Variants in OIP5 observed in about 807,000 individuals in gnomAD.
The protein encoded by OIP5 is protein Mis18-beta.
Under a neutral mutation model 20.3 loss-of-function variants are expected in OIP5, and 24 were observed. The ratio of observed to expected loss-of-function variants is 1.18; its 90% confidence interval spans 0.86 to 1.66. The LOEUF is 1.66. Ranked by LOEUF, OIP5 falls within the 40% of genes most tolerant of loss-of-function variation. The pLI is 0.00. For missense variants in OIP5, 339 were observed against 289.5 expected, an observed-to-expected ratio of 1.17 and a Z score of -1.24; for synonymous variants, 143 against 121.3, an observed-to-expected ratio of 1.18 and a Z score of -1.17.
intron 2 of OIP5, among the ~76,000 whole-genome samples, chr15:41,323,962 T>A (rs1316772189): frequency 6.6e-6 from 1 of 150,922 alleles, no homozygotes; most frequent in Middle Eastern, 3.2e-3. Flanking sequence ...TTTCTTTCCT[T>A]AAATCTCATG....
At chr15:41,332,051 A>G (rs2047927669) in intron 1 of OIP5, 70 bp from the exon 2 acceptor site, 3 of 1,479,330 alleles carry the variant, frequency 2.0e-6, no homozygotes, top group Middle Eastern at 1.7e-4. Context: ...TCCTCTAGAC[A>G]GACTCATCCT....
chr15:41,315,493 T>C (rs1474855534), intron 3 of OIP5, among the ~76,000 whole-genome samples: 2 of 152,012 alleles, frequency 1.3e-5, no homozygotes, highest in African/African-American at 4.8e-5. Flanking sequence ...ATACTCTCCA[T>C]ATCCTTTTCC....
rs760131916 is a variant in OIP5 at position 41,332,538 on chromosome 15, A to T, written c.24T>A (p.His8Gln). MAAQPLR[H>Q]RSRCATPPRG... ...GGGGCGGCGTTGCACAACGTGAGCG[A>T]TGCCGCAGCGGCTGAGCCGCCATCT... Residue 8 changes from histidine to glutamine, a missense_variant, in exon 1 of 5, where the codon CAT becomes CAA. By Grantham distance (24) the His-to-Gln change is conservative (BLOSUM62 0). Transcript: ENST00000220514. 6.2e-7 allele frequency: 1 copy of T among 1,609,058 alleles called. No individual in the cohort carries two copies. The highest frequency in any genetic ancestry group is 1.7e-5 in the Admixed American group (1 of 58,480).
rs766498868 is a variant in OIP5, at chr15:41,330,409, ATT to A, written c.389+1504_389+1505del. Among the ~76,000 whole-genome samples, 824 of 128,604 alleles carry A rather than the reference ATT, an allele frequency of 6.4e-3. 9 individuals carry two copies. Among genetic ancestry groups the A allele is most frequent in the African/African-American group, 0.022 (761 of 34,100 alleles). The allele number at this position is 128,604 out of a possible 152,430, so 84.4% of individuals were successfully genotyped here. A position where few individuals can be genotyped will look rare whatever the true frequency, so the allele number is the denominator to read the frequency against. ...GCCACCGCTCCCAGCCGTAATCAGTATTTTTTTTTTTTTTTTTTTGATACGGA... is the reference window on the plus strand; with the variant it reads ...GCCACCGCTCCCAGCCGTAATCAGTATTTTTTTTTTTTTTTTTGATACGGA... On this transcript the variant is annotated intron_variant, in intron 2 of 4. Coordinates refer to ENST00000220514, the MANE Select transcript of OIP5 (RefSeq NM_007280.2).
intron 3 of OIP5, among the ~76,000 whole-genome samples, chr15:41,319,025 A>T (rs892994780): frequency 7.9e-5 from 12 of 151,644 alleles, no homozygotes; most frequent in Middle Eastern, 3.5e-3. Flanking sequence ...TTTGTCAAAG[A>T]CAGTGCCTGA....
rs377001694 is a variant in OIP5, at chr15:41,332,479, A to G, written c.83T>C (p.Ile28Thr). The change falls in exon 1 of 5, where the codon ATT (isoleucine) becomes ACT (threonine). Residue 28 changes from isoleucine (I) to threonine (T), a missense_variant. Physicochemically the swap from Ile to Thr is moderately conservative, Grantham distance 89 (BLOSUM62 -1). Coordinates refer to ENST00000220514, the MANE Select transcript of OIP5 (RefSeq NM_007280.2). Reference sequence around the variant, plus strand: ...GGAGGTCGTAAAAGAAGCTTGGTCAATCGCCCTCTCAGTGCCACCACAAAA... The same window carrying G: ...GGAGGTCGTAAAAGAAGCTTGGTCAGTCGCCCTCTCAGTGCCACCACAAAA... The part of the protein sequence containing the change: ...GDFCGGTERA[I>T]DQASFTTSME... 1.1e-5 allele frequency: 17 copies of G among 1,613,972 alleles called. No individual in the cohort carries two copies. The highest frequency in any genetic ancestry group is 2.2e-5 in the South Asian group (2 of 91,092).
intron 2 of OIP5, among the ~76,000 whole-genome samples, chr15:41,321,982 A>C (rs570351318): frequency 6.6e-6 from 1 of 152,238 alleles, no homozygotes; most frequent in East Asian, 1.9e-4. Context: ...TAAAAGAGAA[A>C]GAAAAGGGAA....
chr15:41,318,381 C>T (rs1013988577), intron 3 of OIP5, among the ~76,000 whole-genome samples: 3 of 152,062 alleles, frequency 2.0e-5, no homozygotes, highest in African/African-American at 7.2e-5. Flanking sequence ...AAGCTGGTCT[C>T]GAACTCCTGA....
At chr15:41,318,879 TA>T (rs924448218) in intron 3 of OIP5, among the ~76,000 whole-genome samples, 7 of 145,702 alleles carry the variant, frequency 4.8e-5, no homozygotes, top group Non-Finnish European at 6.1e-5. Context: ...AAATTTTGTA[TA>T]AAAAAAAAAC....
Position 41,332,271 on chromosome 15 carries a change from C to G in OIP5, c.291G>C (p.Leu97=). 5 of 1,560,338 alleles carry G rather than the reference C, an allele frequency of 3.2e-6. No individual in the cohort carries two copies. Among genetic ancestry groups the G allele is most frequent in the Non-Finnish European group, 4.3e-6 (5 of 1,154,280 alleles). ...AGACCACGGCCCCGAGGGACCGCGACAGGTCCCAGGCGAGGTGCACCGAGT... is the reference window on the plus strand; with the variant it reads ...AGACCACGGCCCCGAGGGACCGCGAGAGGTCCCAGGCGAGGTGCACCGAGT... ...LADSVHLAWD[L]SRSLGAVVFS... Residue 97 remains leucine (L), a synonymous_variant, in exon 1 of 5, where the codon CTG becomes CTC. Transcript: ENST00000220514.
chr15:41,330,215 T>C (rs1595504821), intron 2 of OIP5, among the ~76,000 whole-genome samples: 1 of 151,920 alleles, frequency 6.6e-6, no homozygotes, highest in African/African-American at 2.4e-5. Context: ...CTCAGCCTCC[T>C]GGGATTACAG....
intron 2 of OIP5, among the ~76,000 whole-genome samples, chr15:41,321,669 T>C (rs2047829931): frequency 6.6e-6 from 1 of 151,832 alleles, no homozygotes; most frequent in South Asian, 2.1e-4. Flanking sequence ...CCACTCAGGG[T>C]TAAATGGATT....
intron 2 of OIP5, among the ~76,000 whole-genome samples, chr15:41,321,473 G>T (rs1243407513): frequency 6.6e-6 from 1 of 152,244 alleles, no homozygotes; most frequent in Admixed American, 6.5e-5. Flanking sequence ...CAGTTTTGTG[G>T]AATAGAAAAG....
chr15:41,313,340 G>T lies in OIP5; in HGVS notation c.527C>A (p.Thr176Lys). Reference sequence around the variant, plus strand: ...CTCTGATGCATTTACTATGGCTTTTGTTTTTAAGAGATAGCTAGATAGGAA... The same window carrying T: ...CTCTGATGCATTTACTATGGCTTTTTTTTTTAAGAGATAGCTAGATAGGAA... ...SDKMVCYLLK[T>K]KAIVNASEMD... Residue 176 changes from threonine to lysine, a missense_variant, in exon 4 of 5, where the codon ACA becomes AAA. By Grantham distance (78) the Thr-to-Lys change is moderately conservative (BLOSUM62 -1). Coordinates refer to ENST00000220514, the MANE Select transcript of OIP5 (RefSeq NM_007280.2). The T allele has an allele frequency of 6.3e-7, 1 of 1,591,702 alleles. No individual in the cohort carries two copies.
At chr15:41,314,332 C>G (rs575641853) in intron 3 of OIP5, among the ~76,000 whole-genome samples, 42 of 152,292 alleles carry the variant, frequency 2.8e-4, no homozygotes, top group Admixed American at 1.0e-3. Flanking sequence ...GAACTCCTGA[C>G]CTCAGGTGAT....
intron 2 of OIP5, among the ~76,000 whole-genome samples, chr15:41,330,743 G>A (rs1202376394): frequency 1.3e-5 from 2 of 152,142 alleles, no homozygotes; most frequent in Non-Finnish European, 2.9e-5. Context: ...TCTGTACTAA[G>A]TCTTTGAAAT....
chr15:41,319,873 G>A (rs574608802), intron 2 of OIP5, 93 bp from the exon 3 acceptor site: 3 of 1,022,444 alleles, frequency 2.9e-6, no homozygotes, highest in African/African-American at 3.3e-5. Flanking sequence ...TAACACCTAA[G>A]TCAGGGTGAA....
At chr15:41,321,161 A>T (rs2047822352) in intron 2 of OIP5, among the ~76,000 whole-genome samples, 1 of 148,226 alleles carries the variant, frequency 6.7e-6, no homozygotes, top group Admixed American at 6.7e-5. Context: ...GTGGGGGGTC[A>T]GCCCCCCGCC....
intron 4 of OIP5, among the ~76,000 whole-genome samples, chr15:41,311,746 C>G (rs55782852): frequency 0.38 from 57,707 of 151,470 alleles, 12,117 homozygotes; most frequent in African/African-American, 0.57. Context: ...GCTAATTTTT[C>G]TAGTTTTAGT....
Sources: allele counts gnomAD v4.1 joint callset (sites outside exome capture counted in the v4.1 genomes callset), GRCh38; gene constraint gnomAD v4.1.1; transcripts MANE v1.5; gene names NCBI Gene and HGNC (gene_info 2026-07-23, HGNC 2026-07-21).